SV2C: variants seen among roughly 807,000 people sequenced by gnomAD.
The protein encoded by SV2C is synaptic vesicle glycoprotein 2C.
A neutral mutation model predicts 79.7 loss-of-function variants in SV2C; 49 were observed. The observed-to-expected ratio is 0.61, with a 90% CI of 0.49 to 0.78. The LOEUF (loss-of-function observed/expected upper bound fraction) is 0.78, where lower values mean the gene tolerates loss of function less well. Among genes scored for constraint, SV2C ranks in the 30% least tolerant of loss-of-function variants. The pLI is 0.00. For missense variants in SV2C, 833 were observed against 912.9 expected (o/e 0.91, Z 1.13); for synonymous variants, 334 against 333.2 (o/e 1.00, Z -0.03).
At chr5:75,936,398 A>G in the SV2C span, among the ~76,000 whole-genome samples, 2 of 152,226 alleles carry the variant, frequency 1.3e-5, no homozygotes, top group Non-Finnish European at 2.9e-5. Flanking sequence ...TGATTGTGTC[A>G]GTTTACTCCA....
intron 4 of SV2C, among the ~76,000 whole-genome samples, chr5:76,232,194 G>A (rs200342491): frequency 0.043 from 5,769 of 134,644 alleles, 412 homozygotes; most frequent in African/African-American, 0.19. Context: ...GCCAGTGATG[G>A]TGAGCATTTT....
chr5:76,201,207 C>T (rs982969840), intron 3 of SV2C, among the ~76,000 whole-genome samples: 10 of 152,204 alleles, frequency 6.6e-5, no homozygotes, highest in African/African-American at 1.9e-4. Flanking sequence ...ACGAATCTCA[C>T]ACCAAGAAAC....
chr5:76,335,777 T>C (rs184595570), downstream of SV2C, among the ~76,000 whole-genome samples: 7,995 of 152,122 alleles, frequency 0.053, 710 homozygotes, highest in African/African-American at 0.18. Context: ...GCAGAAGAAT[T>C]TTTCTTAGTA....
the SV2C span, among the ~76,000 whole-genome samples, chr5:76,019,307 A>G: frequency 6.6e-6 from 1 of 152,168 alleles, no homozygotes. Flanking sequence ...GAATTTTAAT[A>G]GATTTTTGAG....
At chr5:75,884,754 C>A in the SV2C span, among the ~76,000 whole-genome samples, 11 of 151,996 alleles carry the variant, frequency 7.2e-5, no homozygotes, top group Non-Finnish European at 1.2e-4. Flanking sequence ...AAACATCACA[C>A]TGTACCCCAT....
chr5:75,945,794 A>T, the SV2C span, among the ~76,000 whole-genome samples: 2 of 152,134 alleles, frequency 1.3e-5, no homozygotes, highest in African/African-American at 4.8e-5. Context: ...AAATCACTAG[A>T]TATTTGGAAA....
chr5:76,115,910 G>T (rs1748248610), intron 1 of SV2C, among the ~76,000 whole-genome samples: 1 of 152,174 alleles, frequency 6.6e-6, no homozygotes, highest in South Asian at 2.1e-4. Context: ...GCCATTCTCT[G>T]CCTGAGCCCC....
At chr5:76,098,776 T>G (rs1193350349) in intron 1 of SV2C, among the ~76,000 whole-genome samples, 2 of 152,222 alleles carry the variant, frequency 1.3e-5, no homozygotes, top group Non-Finnish European at 2.9e-5. Flanking sequence ...GAAAAGCCAG[T>G]GATTAATATA....
chr5:76,225,392 T>C (rs1414080016), intron 4 of SV2C, among the ~76,000 whole-genome samples: 1 of 152,180 alleles, frequency 6.6e-6, no homozygotes, highest in Admixed American at 6.5e-5. Context: ...CCATGGAATG[T>C]ATAAGACAAA....
intron 1 of SV2C, among the ~76,000 whole-genome samples, chr5:76,115,641 AAG>A (rs1435702126): frequency 6.6e-6 from 1 of 152,230 alleles, no homozygotes; most frequent in Admixed American, 6.5e-5. Context: ...ACAAATGTGA[AAG>A]AGCAGGGATA....
chr5:76,147,974 T>C (rs1253336668), intron 2 of SV2C, among the ~76,000 whole-genome samples: 1 of 152,236 alleles, frequency 6.6e-6, no homozygotes, highest in Non-Finnish European at 1.5e-5. Context: ...CTGTTATTGC[T>C]GTCATTTTAA....
intron 2 of SV2C, 124 bp from the exon 3 acceptor site, chr5:76,194,795 A>G (rs1744219623): frequency 2.5e-6 from 3 of 1,197,276 alleles, no homozygotes; most frequent in Non-Finnish European, 3.5e-6. Flanking sequence ...TGAAGGTTAT[A>G]TTTTTAAAGG....
chr5:76,297,123 T>G (rs2112516191), intron 9 of SV2C, among the ~76,000 whole-genome samples: 1 of 152,362 alleles, frequency 6.6e-6, no homozygotes, highest in African/African-American at 2.4e-5. Flanking sequence ...ATTACTAATT[T>G]TAATAGTATT....
the SV2C span, among the ~76,000 whole-genome samples, chr5:75,893,501 GACTA>G: frequency 6.6e-6 from 1 of 151,996 alleles, no homozygotes; most frequent in African/African-American, 2.4e-5. Context: ...AGGAACAGAA[GACTA>G]ACTACTGCAT....
chr5:75,984,187 A>C, the SV2C span, among the ~76,000 whole-genome samples: 1 of 152,188 alleles, frequency 6.6e-6, no homozygotes, highest in East Asian at 1.9e-4. Context: ...AATGCAGTAG[A>C]TATACTGTTC....
chr5:76,006,217 C>T, the SV2C span, among the ~76,000 whole-genome samples: 1 of 152,142 alleles, frequency 6.6e-6, no homozygotes, highest in Non-Finnish European at 1.5e-5. Context: ...CTTCTAGAAA[C>T]TCTGACCCAG....
At chr5:76,348,350 C>T (rs1749581795) in intron 12 of SV2C, among the ~76,000 whole-genome samples, 1 of 152,212 alleles carries the variant, frequency 6.6e-6, no homozygotes, top group Admixed American at 6.5e-5. Context: ...TACTAACAAA[C>T]ATCTTGGTTG....
chr5:75,915,709 A>C, the SV2C span, among the ~76,000 whole-genome samples: 15 of 152,192 alleles, frequency 9.9e-5, no homozygotes, highest in Non-Finnish European at 2.1e-4. Context: ...TGTTCACTTG[A>C]TGATAAACCA....
At chr5:76,288,689 T>A (rs1747437442) in intron 6 of SV2C, among the ~76,000 whole-genome samples, 1 of 152,202 alleles carries the variant, frequency 6.6e-6, no homozygotes, top group African/African-American at 2.4e-5. Flanking sequence ...GATGTGTTAA[T>A]GTTGTTACAT....
Sources: allele counts gnomAD v4.1 joint callset (sites outside exome capture counted in the v4.1 genomes callset), GRCh38; gene constraint gnomAD v4.1.1; transcripts MANE v1.5; gene names NCBI Gene and HGNC (gene_info 2026-07-23, HGNC 2026-07-21).